DPYD: variants seen among roughly 807,000 people sequenced by gnomAD.
The protein encoded by DPYD is dihydropyrimidine dehydrogenase [NADP(+)].
DPYD carries 109 observed loss-of-function variants against 116.2 expected under a neutral mutation model. The observed-to-expected ratio is 0.94, with a 90% CI of 0.80 to 1.10. The LOEUF is 1.10. Among genes scored for constraint, DPYD ranks in the 50% least tolerant of loss-of-function variants. The probability of loss-of-function intolerance (pLI) is 0.00; values close to 1 mark genes in which losing one functional copy is unlikely to be tolerated. For missense variants in DPYD, 1,302 were observed against 1,254.5 expected (o/e 1.04, Z -0.57); for synonymous variants, 440 against 432.0 (o/e 1.02, Z -0.23).
chr1:97,153,488 A>G (rs1341010582), intron 20 of DPYD, among the ~76,000 whole-genome samples: 2 of 152,144 alleles, frequency 1.3e-5, no homozygotes, highest in Non-Finnish European at 2.9e-5. Context: ...CACCTTACAC[A>G]AAAATCAACT....
chr1:97,446,693 C>T (rs1424073394), intron 14 of DPYD, among the ~76,000 whole-genome samples: 1 of 152,108 alleles, frequency 6.6e-6, no homozygotes, highest in African/African-American at 2.4e-5. Context: ...TCAGTCTTTG[C>T]TTCCTAATTC....
At chr1:97,626,109 G>A (rs956620819) in intron 8 of DPYD, among the ~76,000 whole-genome samples, 4 of 151,944 alleles carry the variant, frequency 2.6e-5, no homozygotes, top group Admixed American at 6.6e-5. Context: ...CACTCTATCC[G>A]TGATGCCTGA....
intron 4 of DPYD, among the ~76,000 whole-genome samples, chr1:97,730,956 G>A (rs1399039526): frequency 6.6e-6 from 1 of 151,896 alleles, no homozygotes; most frequent in South Asian, 2.1e-4. Flanking sequence ...GCAAGCAAAT[G>A]AGAATCTTTA....
intron 5 of DPYD, among the ~76,000 whole-genome samples, chr1:97,708,535 G>T (rs1662111240): frequency 6.6e-6 from 1 of 152,032 alleles, no homozygotes; most frequent in Admixed American, 6.6e-5. Context: ...ATATCACACT[G>T]TCTTGATTAC....
chr1:97,113,352 G>T (rs1305711860), intron 20 of DPYD, among the ~76,000 whole-genome samples: 1 of 152,034 alleles, frequency 6.6e-6, no homozygotes, highest in Non-Finnish European at 1.5e-5. Flanking sequence ...TTGACTATCA[G>T]AAAGGAAAGG....
intron 12 of DPYD, 64 bp downstream of exon 12, chr1:97,549,496 C>T: frequency 6.4e-7 from 1 of 1,552,558 alleles, no homozygotes; most frequent in Non-Finnish European, 8.9e-7. Flanking sequence ...AGATGAGTAT[C>T]AAAAATAAAT....
intron 2 of DPYD, among the ~76,000 whole-genome samples, chr1:97,833,561 T>C (rs1435957039): frequency 6.6e-6 from 1 of 152,178 alleles, no homozygotes; most frequent in African/African-American, 2.4e-5. Flanking sequence ...GTCTACAGGC[T>C]AAGTCCTTAG....
At chr1:97,769,562 C>G (rs1044680389) in intron 3 of DPYD, among the ~76,000 whole-genome samples, 3 of 152,062 alleles carry the variant, frequency 2.0e-5, no homozygotes, top group Non-Finnish European at 4.4e-5. Context: ...AAGAGTAGGA[C>G]AAGATCTCAG....
intron 1 of DPYD, among the ~76,000 whole-genome samples, chr1:97,897,096 T>G (rs1210628709): frequency 6.6e-6 from 1 of 151,944 alleles, no homozygotes; most frequent in African/African-American, 2.4e-5. Flanking sequence ...GCGGGTCTGC[T>G]GCTTATAAAT....
At chr1:97,703,019 G>A (rs1050494872) in intron 5 of DPYD, among the ~76,000 whole-genome samples, 29 of 151,994 alleles carry the variant, frequency 1.9e-4, no homozygotes, top group African/African-American at 6.5e-4. Context: ...TTGTTAGCCC[G>A]ATTTGCTCAA....
chr1:97,842,812 A>G (rs1670102402), intron 2 of DPYD, among the ~76,000 whole-genome samples: 1 of 152,096 alleles, frequency 6.6e-6, no homozygotes, highest in Admixed American at 6.5e-5. Flanking sequence ...TATATTGTTT[A>G]AAAGATCTCT....
intron 13 of DPYD, 122 bp downstream of exon 13, chr1:97,515,604 T>C (rs966380334): frequency 3.5e-6 from 3 of 852,192 alleles, no homozygotes; most frequent in Admixed American, 4.9e-5. Context: ...TGTGTAATGA[T>C]AGGTCTTGTC....
At chr1:97,511,540 C>A (rs925620467) in intron 13 of DPYD, among the ~76,000 whole-genome samples, 73 of 151,948 alleles carry the variant, frequency 4.8e-4, no homozygotes, top group African/African-American at 1.8e-3. Flanking sequence ...TTAAATAATT[C>A]ATTTATATTA....
At chr1:97,651,329 C>T (rs187725111) in intron 8 of DPYD, among the ~76,000 whole-genome samples, 96 of 152,138 alleles carry the variant, frequency 6.3e-4, no homozygotes, top group African/African-American at 2.2e-3. Flanking sequence ...ACAAAAATAC[C>T]CTGCTTGTGA....
intron 4 of DPYD, among the ~76,000 whole-genome samples, chr1:97,722,562 A>G (rs1164110311): frequency 6.6e-6 from 1 of 151,526 alleles, no homozygotes; most frequent in Non-Finnish European, 1.5e-5. Flanking sequence ...ATACATTTTA[A>G]GAATAGAGCT....
rs72734020 is a variant in DPYD, at chr1:97,736,906, A to T, written c.321+3486T>A. Reference sequence around the variant, plus strand: ...TGTGTGTAGGGCTTTATTAAGATATAATCTACATAGCATATGTACACCAAT... The same window carrying T: ...TGTGTGTAGGGCTTTATTAAGATATTATCTACATAGCATATGTACACCAAT... On this transcript the variant is annotated intron_variant, in intron 4 of 22. Coordinates refer to ENST00000370192, the MANE Select transcript of DPYD (RefSeq NM_000110.4). Among the ~76,000 whole-genome samples, 235 of 150,804 alleles carry T rather than the reference A, an allele frequency of 1.6e-3. 2 individuals are homozygous for T. The highest frequency in any genetic ancestry group is 0.01 in the Middle Eastern group (3 of 294).
rs1390326371 is a variant in DPYD, at chr1:97,457,869, G to A, written c.1741-7646C>T. ...AAGTTATTAATACCAATAGCTCACAGCAGCTGTGCATTCACGGAGATAAGT... is the reference window on the plus strand; with the variant it reads ...AAGTTATTAATACCAATAGCTCACAACAGCTGTGCATTCACGGAGATAAGT... On this transcript the variant is annotated intron_variant, in intron 13 of 22. Coordinates refer to ENST00000370192, the MANE Select transcript of DPYD (RefSeq NM_000110.4). Among the ~76,000 whole-genome samples, 13 of 152,160 alleles carry A rather than the reference G, an allele frequency of 8.5e-5. No individual in the cohort carries two copies. In the East Asian group the frequency reaches 2.3e-3, roughly 27 times the overall value.
chr1:97,315,586 A>G (rs1184677385), intron 16 of DPYD, among the ~76,000 whole-genome samples: 1 of 151,958 alleles, frequency 6.6e-6, no homozygotes, highest in Non-Finnish European at 1.5e-5. Context: ...TGTATGAAGA[A>G]TTCTCCCTGT....
At chr1:97,123,785 T>C (rs1652626286) in intron 20 of DPYD, among the ~76,000 whole-genome samples, 1 of 152,164 alleles carries the variant, frequency 6.6e-6, no homozygotes, top group Non-Finnish European at 1.5e-5. Flanking sequence ...TTGTTGTTGT[T>C]GTTAGCTTCA....
Sources: allele counts gnomAD v4.1 joint callset (sites outside exome capture counted in the v4.1 genomes callset), GRCh38; gene constraint gnomAD v4.1.1; transcripts MANE v1.5; gene names NCBI Gene and HGNC (gene_info 2026-07-23, HGNC 2026-07-21).